The following HEATR4 variants were observed in gnomAD, a reference collection of about 807,000 sequenced individuals.
HEATR4 encodes the protein HEAT repeat-containing protein 4.
Under a neutral mutation model 108.8 loss-of-function variants are expected in HEATR4, and 95 were observed. The ratio of observed to expected loss-of-function variants is 0.87; its 90% CI spans 0.74 to 1.04. HEATR4 has a LOEUF of 1.04. HEATR4 is among the 50% of genes least tolerant of loss of function. The pLI is 0.00. For missense variants in HEATR4, 1,152 were observed against 1,253.8 expected (o/e 0.92, Z 1.23); for synonymous variants, 443 against 459.4 (o/e 0.96, Z 0.46).
the HEATR4 span, among the ~76,000 whole-genome samples, chr14:73,600,117 G>A: frequency 6.6e-6 from 1 of 152,122 alleles, no homozygotes; most frequent in African/African-American, 2.4e-5. Context: ...GGTGGGAGAA[G>A]TATAAGATAA....
At chr14:73,614,259 G>A in the HEATR4 span, among the ~76,000 whole-genome samples, 11 of 152,010 alleles carry the variant, frequency 7.2e-5, no homozygotes, top group African/African-American at 2.2e-4. Flanking sequence ...TCCTTAAACC[G>A]AATTCTGTGA....
At chr14:73,580,317 A>T in the HEATR4 span, among the ~76,000 whole-genome samples, 1 of 152,072 alleles carries the variant, frequency 6.6e-6, no homozygotes, top group African/African-American at 2.4e-5. Flanking sequence ...TTGTAGAAAC[A>T]GCGTCTTATG....
the HEATR4 span, chr14:73,591,884 G>C: frequency 7.7e-7 from 1 of 1,302,040 alleles, no homozygotes; most frequent in East Asian, 3.1e-5. Context: ...GACGCCGTCC[G>C]GACATTCGGC....
chr14:73,569,314 C>T, the HEATR4 span: 2 of 1,613,962 alleles, frequency 1.2e-6, no homozygotes, highest in Admixed American at 1.7e-5. Context: ...GCCTCATCTC[C>T]TGCTGTCCTT....
chr14:73,570,575 A>G, the HEATR4 span, among the ~76,000 whole-genome samples: 1 of 151,252 alleles, frequency 6.6e-6, no homozygotes, highest in East Asian at 1.9e-4. Flanking sequence ...TCTCAAAAAA[A>G]AGACATTGTA....
upstream of HEATR4, among the ~76,000 whole-genome samples, chr14:73,559,504 C>T (rs1482657725): frequency 6.6e-6 from 1 of 151,628 alleles, no homozygotes; most frequent in Non-Finnish European, 1.5e-5. Flanking sequence ...GCTGAGGTGG[C>T]GGATCACCTG....
chr14:73,565,053 T>C, the HEATR4 span, among the ~76,000 whole-genome samples: 1 of 152,116 alleles, frequency 6.6e-6, no homozygotes, highest in Admixed American at 6.6e-5. Flanking sequence ...ATTAAACTGG[T>C]TAAACCAAAT....
At chr14:73,499,621 C>G (rs1190924217) in intron 12 of HEATR4, among the ~76,000 whole-genome samples, 2 of 152,184 alleles carry the variant, frequency 1.3e-5, no homozygotes, top group Admixed American at 1.3e-4. Context: ...AACCTATATG[C>G]ATAGTGAGTA....
At chr14:73,561,596 A>T (rs925037017), upstream of HEATR4, among the ~76,000 whole-genome samples, 2 of 151,702 alleles carry the variant, frequency 1.3e-5, no homozygotes, top group African/African-American at 4.8e-5. Context: ...CTGAGGCAGG[A>T]AATCACTTGA....
At chr14:73,615,387 A>AG in the HEATR4 span, among the ~76,000 whole-genome samples, 1 of 83,814 alleles carries the variant, frequency 1.2e-5, no homozygotes, top group Non-Finnish European at 2.1e-5. Flanking sequence ...ACTCTGTCTG[A>AG]TAAAAAAAAA....
At chr14:73,612,430 G>A in the HEATR4 span, 1 of 510,792 alleles carries the variant, frequency 2.0e-6, no homozygotes, top group Non-Finnish European at 3.1e-6. Flanking sequence ...CCACGCAGCG[G>A]CCTGGAGCCT....
the HEATR4 span, among the ~76,000 whole-genome samples, chr14:73,590,751 C>A: frequency 6.6e-6 from 1 of 151,732 alleles, no homozygotes; most frequent in African/African-American, 2.4e-5. Context: ...CGAGCCCACG[C>A]CCACCCGGGA....
Position 73,491,402 on chromosome 14 carries a change from C to T in HEATR4, c.2844+1664G>A, listed in dbSNP as rs987735574. On this transcript the variant is annotated intron_variant, in intron 17 of 17. Coordinates refer to ENST00000553558, the MANE Select transcript of HEATR4 (RefSeq NM_001220484.1). The stretch of plus-strand genomic sequence containing the variant: ...GCGCCTGGTGCCCGCTTCCGCGCCG[C>T]CCGCGCGCCTGGTGGAGGTGCCCGC... 23 of 1,345,680 alleles carry T rather than the reference C, an allele frequency of 1.7e-5. No homozygotes were observed. The African/African-American group carries it at 3.4e-4, about 20-fold the overall frequency. The allele number at this position is 1,345,680 out of a possible 1,614,324, so 83.4% of individuals were successfully genotyped here.
chr14:73,610,943 A>G, the HEATR4 span: 1 of 152,192 alleles, frequency 6.6e-6, no homozygotes, highest in Non-Finnish European at 1.5e-5. Flanking sequence ...CAAGTGGGGC[A>G]CACACACATG....
At chr14:73,590,569 C>T in the HEATR4 span, among the ~76,000 whole-genome samples, 1 of 152,194 alleles carries the variant, frequency 6.6e-6, no homozygotes, top group Admixed American at 6.5e-5. Context: ...CGCAGAAGCT[C>T]ACGGCGGGGG....
At chr14:73,609,970 CT>C in the HEATR4 span, among the ~76,000 whole-genome samples, 193 of 145,912 alleles carry the variant, frequency 1.3e-3, no homozygotes, top group African/African-American at 1.7e-3. Flanking sequence ...TTCCTCTACC[CT>C]TTTTTTTTTT....
At chr14:73,490,977 C>T (rs10144461) in intron 17 of HEATR4, 9 of 1,316,210 alleles carry the variant, frequency 6.8e-6, no homozygotes, top group South Asian at 4.6e-5. Context: ...TTTAGCTTCG[C>T]CCCCGGCCGG....
chr14:73,484,726 T>A (rs1489151909), intron 17 of HEATR4, among the ~76,000 whole-genome samples: 1 of 152,014 alleles, frequency 6.6e-6, no homozygotes, highest in East Asian at 1.9e-4. Context: ...AATTCTTCTA[T>A]AACAAATAAT....
rs1340346888 is a variant in HEATR4 at position 73,519,121 on chromosome 14, T to G, written c.1112A>C (p.Gln371Pro). 6.2e-7 allele frequency: 1 copy of G among 1,613,888 alleles called. No homozygotes were observed. Among genetic ancestry groups the G allele is most frequent in the Non-Finnish European group, 8.5e-7 (1 of 1,179,944 alleles). ...CCGATTTAGGTTTTCCAGGACAATC[T>G]GGTCTCTCTTTGCACCAATCTGGTG... is the stretch of plus-strand genomic sequence containing the variant. Reference protein sequence around the residue: ...IIHQIGAKRDQIVLENLNRYN... With the variant: ...IIHQIGAKRDPIVLENLNRYN... Residue 371 changes from glutamine to proline, a missense_variant, in exon 5 of 18, where the codon CAG becomes CCG. Transcript: ENST00000553558.
Sources: gnomAD v4.1 joint callset for allele counts (sites outside exome capture counted in the v4.1 genomes callset) on GRCh38, gnomAD v4.1.1 for gene constraint, MANE v1.5 for transcripts, NCBI Gene and HGNC (gene_info 2026-07-23, HGNC 2026-07-21) for gene names.